Variants in B4GALNT2 observed in about 807,000 individuals in gnomAD.
B4GALNT2 encodes beta-1,4-N-acetyl-galactosaminyltransferase 2 (SID blood group).
Under a neutral mutation model 51.1 loss-of-function variants are expected in B4GALNT2, and 42 were observed. The observed-to-expected ratio is 0.82, with a 90% CI of 0.64 to 1.06. The LOEUF (loss-of-function observed/expected upper bound fraction) is 1.06, where lower values mean the gene tolerates loss of function less well. Among genes scored for constraint, B4GALNT2 ranks in the 50% least tolerant of loss-of-function variants. The probability of loss-of-function intolerance (pLI) is 0.00; values close to 1 mark genes in which losing one functional copy is unlikely to be tolerated. For missense variants in B4GALNT2, 602 were observed against 633.6 expected (o/e 0.95, Z 0.54); for synonymous variants, 253 against 251.7 (o/e 1.01, Z -0.05).
chr17:49,141,631 T>C lies in B4GALNT2; in HGVS notation c.215+184T>C, dbSNP rs1030899323. Among the ~76,000 whole-genome samples the C allele has an allele frequency of 1.3e-5, 2 of 152,208 alleles. 1 individual carries two copies. The highest frequency in any genetic ancestry group is 1.3e-4 in the Admixed American group (2 of 15,276). On this transcript the variant is annotated intron_variant, in intron 2 of 10. Transcript: ENST00000393354. ...TCTGTACGATCCAGTCTATGTTCTC[T>C]ATAGCATCCAGCAAAATCCCTTAAA...
chr17:49,159,316 T>C, intron 6 of B4GALNT2, 99 bp downstream of exon 6: 1 of 1,280,050 alleles, frequency 7.8e-7, no homozygotes, highest in Non-Finnish European at 1.1e-6. Context: ...TCCTGTTTTT[T>C]GTGTTTTGTG....
chr17:49,148,737 T>C (rs192532015), intron 3 of B4GALNT2: 238 of 572,950 alleles, frequency 4.2e-4, no homozygotes, highest in Non-Finnish European at 2.4e-4. Flanking sequence ...GACATCCTTC[T>C]TGGCCACCGT....
chr17:49,165,702 C>T (rs1033437872), intron 8 of B4GALNT2, among the ~76,000 whole-genome samples: 4 of 150,946 alleles, frequency 2.6e-5, no homozygotes, highest in African/African-American at 7.3e-5. Flanking sequence ...CTCCCTCTCT[C>T]TCCCCCTTCC....
chr17:49,176,746 T>G lies in B4GALNT2; in HGVS notation c.*7018T>G, dbSNP rs1026711119. 6.6e-6 allele frequency: 1 copy of G among 152,226 alleles called. No homozygotes were observed. The highest frequency in any genetic ancestry group is 2.4e-5 in the African/African-American group (1 of 41,458). 9.4% of individuals were successfully genotyped at this position (152,226 alleles called of 1,614,324 possible). A position where few individuals can be genotyped will look rare whatever the true frequency, so the allele number is the denominator to read the frequency against. On this transcript the variant is annotated 3_prime_UTR_variant, in exon 11 of 11. Transcript: ENST00000393354. ...TTACAGTTTCTGTTTACCTGTAAAC[T>G]TTTTCTTCCTGTGGCCTAGGGTAGT...
chr17:49,123,801 G>C, the B4GALNT2 span, among the ~76,000 whole-genome samples: 2 of 152,080 alleles, frequency 1.3e-5, no homozygotes, highest in African/African-American at 4.8e-5. Flanking sequence ...CCCTGTACAG[G>C]GACTGTGTAC....
At position 49,174,337 on chromosome 17, in the gene B4GALNT2, C is replaced by G. The variant is rs571675215; in HGVS notation, c.*4609C>G. 4 of 152,330 alleles carry G rather than the reference C, an allele frequency of 2.6e-5. No homozygotes were observed. In the East Asian group the frequency reaches 7.7e-4, roughly 29 times the overall value. 9.4% of individuals were successfully genotyped at this position (152,330 alleles called of 1,614,324 possible). ...TCTGGCAAATTGTTGGACTGTTTAACATGCCTTGTGGCAACAGTTTCCAGT... is the reference window on the plus strand; with the variant it reads ...TCTGGCAAATTGTTGGACTGTTTAAGATGCCTTGTGGCAACAGTTTCCAGT... On this transcript the variant is annotated 3_prime_UTR_variant, in exon 11 of 11. Coordinates refer to ENST00000393354, the MANE Select transcript of B4GALNT2 (RefSeq NM_001159387.2).
Position 49,169,846 on chromosome 17 carries a change from A to G in B4GALNT2, c.*118A>G. Reference sequence around the variant, plus strand: ...ACCAAACCAGCTGGTGGGTAGGGAAAAGGGAAATGGCTCAGTTACTGGAAG... The same window carrying G: ...ACCAAACCAGCTGGTGGGTAGGGAAGAGGGAAATGGCTCAGTTACTGGAAG... On this transcript the variant is annotated 3_prime_UTR_variant, in exon 11 of 11. Coordinates refer to ENST00000393354, the MANE Select transcript of B4GALNT2 (RefSeq NM_001159387.2). 9.9e-7 allele frequency: 1 copy of G among 1,009,712 alleles called. No homozygotes were observed. The highest frequency in any genetic ancestry group is 1.4e-6 in the Non-Finnish European group (1 of 718,844). The allele number at this position is 1,009,712 out of a possible 1,614,324, so 62.5% of individuals were successfully genotyped here. A position where few individuals can be genotyped will look rare whatever the true frequency, so the allele number is the denominator to read the frequency against.
At chr17:49,122,505 A>G in the B4GALNT2 span, among the ~76,000 whole-genome samples, 1 of 152,226 alleles carries the variant, frequency 6.6e-6, no homozygotes, top group Non-Finnish European at 1.5e-5. Context: ...TAGGCAGGGT[A>G]AGAACATTAG....
intron 3 of B4GALNT2, 143 bp from the exon 4 acceptor site, chr17:49,152,657 C>A (rs557035602): frequency 8.3e-6 from 5 of 604,588 alleles, no homozygotes; most frequent in African/African-American, 5.7e-5. Context: ...GCCTGGGTGA[C>A]GAGAATGGAG....
At chr17:49,125,605 G>C in the B4GALNT2 span, among the ~76,000 whole-genome samples, 7 of 140,182 alleles carry the variant, frequency 5.0e-5, no homozygotes, top group African/African-American at 1.9e-4. Flanking sequence ...CCGGCTGCCC[G>C]TCGTCTGGGA....
intron 6 of B4GALNT2, 99 bp from the exon 7 acceptor site, chr17:49,160,456 C>T (rs1474529207): frequency 1.1e-5 from 12 of 1,141,228 alleles, no homozygotes; most frequent in Non-Finnish European, 1.6e-5. Context: ...ACTCTCCCCA[C>T]CAAACCTGTA....
intron 3 of B4GALNT2, among the ~76,000 whole-genome samples, chr17:49,144,003 C>G (rs1286375325): frequency 6.6e-6 from 1 of 152,066 alleles, no homozygotes; most frequent in African/African-American, 2.4e-5. Context: ...TAAAAATTAG[C>G]CAGGCTGTGG....
At chr17:49,168,569 G>A (rs565143982) in intron 9 of B4GALNT2, 112 bp from the exon 10 acceptor site, 107 of 1,066,222 alleles carry the variant, frequency 1.0e-4, no homozygotes, top group Non-Finnish European at 1.4e-4. Context: ...AGGATAGACA[G>A]AGAAATAACA....
intron 3 of B4GALNT2, among the ~76,000 whole-genome samples, chr17:49,150,207 AGCCCCCCGCCCGGCCAGCCGCCCC>A: frequency 8.0e-6 from 1 of 124,536 alleles, no homozygotes; most frequent in South Asian, 2.7e-4. Context: ...TGGGGGGGTC[AGCCCCCCGCCCGGCCAGCCGCCCC>A]GTCCGGGAGG....
At chr17:49,132,861 C>T (rs936351741) in intron 1 of B4GALNT2, 55 bp downstream of exon 1, 18 of 1,368,280 alleles carry the variant, frequency 1.3e-5, no homozygotes, top group Non-Finnish European at 1.6e-5. Flanking sequence ...GAGCAGGGAG[C>T]GCCGCGGGTC....
At chr17:49,121,863 G>C in the B4GALNT2 span, among the ~76,000 whole-genome samples, 1 of 152,188 alleles carries the variant, frequency 6.6e-6, no homozygotes, top group African/African-American at 2.4e-5. Context: ...TTAGTCCTCA[G>C]TGTAAGAATT....
At chr17:49,145,500 C>T (rs2042686383) in intron 3 of B4GALNT2, among the ~76,000 whole-genome samples, 2 of 152,220 alleles carry the variant, frequency 1.3e-5, no homozygotes, top group Non-Finnish European at 2.9e-5. Flanking sequence ...GTCCTCATTT[C>T]TGCAGCTGGT....
In B4GALNT2 at chr17:49,171,421, G is replaced by C. The variant is rs574745855; in HGVS notation, c.*1693G>C. 122 of 422,904 alleles carry C rather than the reference G, an allele frequency of 2.9e-4. 1 individual carries two copies. Among genetic ancestry groups the C allele is most frequent in the South Asian group, 2.0e-3 (119 of 58,250 alleles). The allele number at this position is 422,904 out of a possible 1,614,324, so 26.2% of individuals were successfully genotyped here. A position where few individuals can be genotyped will look rare whatever the true frequency, so the allele number is the denominator to read the frequency against. On this transcript the variant is annotated 3_prime_UTR_variant, in exon 11 of 11. Transcript: ENST00000393354. ...TGTGCCTGGGATGCTTTAAATATTT[G>C]TTCTTTTAATTTTGCAATATGCAAA...
At chr17:49,125,653 G>T in the B4GALNT2 span, among the ~76,000 whole-genome samples, 3 of 147,704 alleles carry the variant, frequency 2.0e-5, no homozygotes, top group Non-Finnish European at 4.5e-5. Flanking sequence ...GCCCCGTCTG[G>T]GGGGTGAGGA....
Sources: gnomAD v4.1 joint callset for allele counts (sites outside exome capture counted in the v4.1 genomes callset) on GRCh38, gnomAD v4.1.1 for gene constraint, MANE v1.5 for transcripts, NCBI Gene and HGNC (gene_info 2026-07-23, HGNC 2026-07-21) for gene names.